PLXNA4: variants seen among roughly 807,000 people sequenced by gnomAD.
PLXNA4 encodes plexin-A4.
Under a neutral mutation model 191.8 loss-of-function variants are expected in PLXNA4, and 44 were observed. The ratio of observed to expected loss-of-function variants is 0.23; its 90% CI spans 0.18 to 0.29. The LOEUF (loss-of-function observed/expected upper bound fraction) is 0.29, where lower values mean the gene tolerates loss of function less well. PLXNA4 is among the 10% of genes least tolerant of loss of function. The pLI, the probability that PLXNA4 is intolerant of heterozygous loss-of-function variation, is 1.00. For missense variants in PLXNA4, 1,800 were observed against 2,488.8 expected, an observed-to-expected ratio of 0.72 and a Z score of 5.89; for synonymous variants, 1,082 against 1,009.5, an observed-to-expected ratio of 1.07 and a Z score of -1.36.
In PLXNA4 at chr7:132,507,884, G is replaced by T. The variant is rs546576499; in HGVS notation, c.810C>A (p.Thr270=). 6.2e-7 allele frequency: 1 copy of T among 1,614,056 alleles called. No individual in the cohort carries two copies. Among genetic ancestry groups the T allele is most frequent in the African/African-American group, 1.3e-5 (1 of 74,930 alleles). The change falls in exon 2 of 32, where the codon ACC becomes ACA. Residue 270 remains threonine (T), a synonymous_variant. Transcript: ENST00000321063. ...TGGATGTATACACCTGCTCCTTGGTGGTGGAGCCTGGTGGAGACACCATCT... is the reference window on the plus strand; with the variant it reads ...TGGATGTATACACCTGCTCCTTGGTTGTGGAGCCTGGTGGAGACACCATCT... ...QPEMVSPPGS[T]TKEQVYTSKL...
intron 3 of PLXNA4, among the ~76,000 whole-genome samples, chr7:132,387,492 G>C (rs182923231): frequency 6.6e-6 from 1 of 152,336 alleles, no homozygotes; most frequent in East Asian, 1.9e-4. Context: ...TATGGGAGTT[G>C]AGTAACTGGC....
chr7:132,485,978 C>T (rs543164987), intron 3 of PLXNA4, among the ~76,000 whole-genome samples: 5 of 152,236 alleles, frequency 3.3e-5, no homozygotes, highest in South Asian at 2.1e-4. Context: ...ACGGATAGCT[C>T]GGTCTAGCTC....
chr7:132,317,998 T>A (rs1272451750), intron 3 of PLXNA4, among the ~76,000 whole-genome samples: 1 of 152,232 alleles, frequency 6.6e-6, no homozygotes, highest in Non-Finnish European at 1.5e-5. Context: ...CTGTGCCTCC[T>A]GGGAAAGGCT....
At chr7:132,597,098 C>A (rs573010934) in intron 2 of PLXNA4, among the ~76,000 whole-genome samples, 5 of 152,330 alleles carry the variant, frequency 3.3e-5, no homozygotes, top group Admixed American at 6.5e-5. Flanking sequence ...GCCTGAGTCA[C>A]CAGCCCGGTG....
rs529523158 is a variant in PLXNA4 at position 132,519,552 on chromosome 7, A to C, written c.-86-10773T>G. 7.0e-4 allele frequency among the ~76,000 whole-genome samples: 106 copies of C among 152,260 alleles called. 1 individual carries two copies. Among genetic ancestry groups the C allele is most frequent in the African/African-American group, 2.5e-3 (105 of 41,560 alleles). On this transcript the variant is annotated intron_variant, in intron 1 of 31. Transcript: ENST00000321063. The stretch of plus-strand genomic sequence containing the variant: ...ATGTGGCCTGAGGCTTGTCCAGCTG[A>C]CATTTTCACCAGGAGAGGAGGCTCA...
rs114346810 is a variant in PLXNA4, at chr7:132,130,157, C to T, written c.*322G>A. 0.018 allele frequency: 5,525 copies of T among 300,980 alleles called. 288 individuals are homozygous for T. The highest frequency in any genetic ancestry group is 0.11 in the African/African-American group (5,097 of 47,548). The allele number at this position is 300,980 out of a possible 1,614,324, so 18.6% of individuals were successfully genotyped here. A position where few individuals can be genotyped will look rare whatever the true frequency, so the allele number is the denominator to read the frequency against. On this transcript the variant is annotated 3_prime_UTR_variant, in exon 32 of 32. Coordinates refer to ENST00000321063, the MANE Select transcript of PLXNA4 (RefSeq NM_020911.2). The stretch of plus-strand genomic sequence containing the variant: ...CTCATTCGTTATTTGCACCCTGCTG[C>T]TGACATGCACAGGGTCAGGAGCACC...
At chr7:132,168,156 C>T in intron 22 of PLXNA4, 148 bp downstream of exon 22, 1 of 1,185,310 alleles carries the variant, frequency 8.4e-7, no homozygotes, top group Non-Finnish European at 1.1e-6. Flanking sequence ...AGGGGGCCTG[C>T]AATGTAGTCC....
In PLXNA4 at chr7:132,140,757, G is replaced by A; in HGVS notation, c.5280C>T (p.Asp1760=). 5.0e-6 allele frequency: 8 copies of A among 1,614,112 alleles called. No homozygotes were observed. The highest frequency in any genetic ancestry group is 6.8e-6 in the Non-Finnish European group (8 of 1,180,026). ...NMIKNPQFVF[D]IHKNSITDAC... ...CGTCTGTGATGCTGTTCTTATGGAT[G>A]TCAAACACAAACTGCGGGTTCTTGA... is the stretch of plus-strand genomic sequence containing the variant. Residue 1760 remains aspartate (D), a synonymous_variant, in exon 30 of 32, where the codon GAC becomes GAT. Coordinates refer to ENST00000321063, the MANE Select transcript of PLXNA4 (RefSeq NM_020911.2).
At chr7:132,277,991 G>A (rs1800340733) in intron 4 of PLXNA4, among the ~76,000 whole-genome samples, 1 of 152,208 alleles carries the variant, frequency 6.6e-6, no homozygotes, top group Non-Finnish European at 1.5e-5. Context: ...TCTACTGGGT[G>A]AACAATAAGT....
chr7:132,473,815 A>G (rs184618710), intron 3 of PLXNA4, among the ~76,000 whole-genome samples: 4 of 152,170 alleles, frequency 2.6e-5, no homozygotes, highest in Non-Finnish European at 4.4e-5. Context: ...ATGAGGGGTT[A>G]TCAGAGAAAT....
intron 3 of PLXNA4, among the ~76,000 whole-genome samples, chr7:132,429,193 G>C (rs986350316): frequency 6.6e-6 from 1 of 152,184 alleles, no homozygotes; most frequent in African/African-American, 2.4e-5. Flanking sequence ...CTTGCCCCAA[G>C]CCAACAGAAC....
intron 3 of PLXNA4, among the ~76,000 whole-genome samples, chr7:132,450,094 C>T (rs181226494): frequency 3.3e-5 from 5 of 152,300 alleles, no homozygotes; most frequent in Admixed American, 3.3e-4. Flanking sequence ...CTCTATGGTA[C>T]ACCTCCACAT....
chr7:132,427,248 A>C (rs1795080096), intron 3 of PLXNA4, among the ~76,000 whole-genome samples: 1 of 152,148 alleles, frequency 6.6e-6, no homozygotes, highest in African/African-American at 2.4e-5. Context: ...GAAATGGCGC[A>C]CTGGACGTCT....
intron 4 of PLXNA4, among the ~76,000 whole-genome samples, chr7:132,297,312 A>G (rs1801124025): frequency 6.6e-6 from 1 of 152,116 alleles, no homozygotes; most frequent in Non-Finnish European, 1.5e-5. Context: ...GCTGCACCTC[A>G]CTTGGGGTGG....
Position 132,127,891 on chromosome 7 carries a change from C to CT in PLXNA4, c.*2587_*2588insA. The CT allele has an allele frequency of 2.3e-5, 1 of 43,412 alleles. No homozygotes were observed. The highest frequency in any genetic ancestry group is 3.5e-4 in the Admixed American group (1 of 2,832). 2.7% of individuals were successfully genotyped at this position (43,412 alleles called of 1,614,324 possible). ...TCCTGTACCGCCAAAGTAACAATAA[C>CT]AATAATCATCATCCAGTAAAAAATA... On this transcript the variant is annotated 3_prime_UTR_variant, in exon 32 of 32. Coordinates refer to ENST00000321063, the MANE Select transcript of PLXNA4 (RefSeq NM_020911.2).
chr7:132,476,549 C>T (rs982837519), intron 3 of PLXNA4, among the ~76,000 whole-genome samples: 9 of 152,166 alleles, frequency 5.9e-5, no homozygotes, highest in African/African-American at 1.7e-4. Flanking sequence ...AACCCTGATA[C>T]GGAGGCATGT....
At chr7:132,338,280 C>T (rs544006625) in intron 3 of PLXNA4, among the ~76,000 whole-genome samples, 4 of 152,350 alleles carry the variant, frequency 2.6e-5, no homozygotes, top group African/African-American at 9.6e-5. Context: ...CGTGAACAGA[C>T]TCAAATTCCT....
intron 3 of PLXNA4, among the ~76,000 whole-genome samples, chr7:132,388,503 G>T (rs1187366631): frequency 6.6e-6 from 1 of 151,956 alleles, no homozygotes; most frequent in African/African-American, 2.4e-5. Context: ...TTATTGTATT[G>T]TAATAGTCTA....
rs1368834747 is a variant in PLXNA4 at position 132,168,317 on chromosome 7, G to A, written c.4273C>T (p.Leu1425=). Residue 1425 remains leucine, a synonymous_variant, in exon 22 of 32, where the codon CTG becomes TTG. Transcript: ENST00000321063. ...KNLESKNHPK[L]LLRRTESVAE... is the part of the protein sequence containing the mutation. ...CTGCACCCTCACCTCCTGAGCAGCA[G>A]CTTAGGGTGGTTCTTGCTCTCCAGG... 8.9e-6 allele frequency: 14 copies of A among 1,573,152 alleles called. No individual in the cohort carries two copies. The highest frequency in any genetic ancestry group is 1.2e-5 in the Non-Finnish European group (14 of 1,156,408).
Sources: allele counts gnomAD v4.1 joint callset (sites outside exome capture counted in the v4.1 genomes callset), GRCh38; gene constraint gnomAD v4.1.1; transcripts MANE v1.5; gene names NCBI Gene and HGNC (gene_info 2026-07-23, HGNC 2026-07-21).